The following GRID2 variants were observed in gnomAD, a reference collection of about 807,000 sequenced individuals.
GRID2 encodes glutamate ionotropic receptor delta type subunit 2.
A neutral mutation model predicts 114.8 loss-of-function variants in GRID2; 33 were observed. The ratio of observed to expected loss-of-function variants is 0.29; its 90% CI spans 0.22 to 0.38. GRID2 has a LOEUF of 0.38. GRID2 is among the 10% of genes least tolerant of loss of function. The probability of loss-of-function intolerance (pLI) is 1.00; values close to 1 mark genes in which losing one functional copy is unlikely to be tolerated. For synonymous variants in GRID2, 505 were observed against 449.9 expected, an observed-to-expected ratio of 1.12 and a Z score of -1.55; for missense variants, 1,184 against 1,257.7, an observed-to-expected ratio of 0.94 and a Z score of 0.89.
intron 14 of GRID2, among the ~76,000 whole-genome samples, chr4:93,766,054 A>G (rs1733639977): frequency 6.6e-6 from 1 of 152,234 alleles, no homozygotes; most frequent in South Asian, 2.1e-4. Context: ...AACTGTGTTG[A>G]GTATATTCCA....
At chr4:93,324,473 T>C (rs890438003) in intron 8 of GRID2, among the ~76,000 whole-genome samples, 16 of 152,220 alleles carry the variant, frequency 1.1e-4, no homozygotes, top group African/African-American at 3.9e-4. Context: ...TCGATGTTCA[T>C]CAGGGATATT....
chr4:92,359,979 C>T (rs140375133), intron 1 of GRID2, among the ~76,000 whole-genome samples: 37 of 152,054 alleles, frequency 2.4e-4, no homozygotes, highest in Middle Eastern at 6.8e-3. Context: ...TCTCATCTAT[C>T]TGAATTGTAT....
intron 1 of GRID2, among the ~76,000 whole-genome samples, chr4:92,455,308 C>G (rs527841775): frequency 6.6e-6 from 1 of 152,218 alleles, no homozygotes; most frequent in African/African-American, 2.4e-5. Flanking sequence ...GAGACATTTC[C>G]GTGTTCTTGT....
chr4:93,653,228 T>C (rs1722742228), intron 14 of GRID2, among the ~76,000 whole-genome samples: 1 of 152,138 alleles, frequency 6.6e-6, no homozygotes, highest in South Asian at 2.1e-4. Context: ...AGAACAAAGT[T>C]GTTAGAACAA....
chr4:92,496,344 A>G (rs1449849938), intron 1 of GRID2, among the ~76,000 whole-genome samples: 1 of 151,818 alleles, frequency 6.6e-6, no homozygotes, highest in Non-Finnish European at 1.5e-5. Flanking sequence ...GTTTACTGGA[A>G]TCTGAAAACA....
At chr4:92,717,045 G>A (rs1276366429) in intron 2 of GRID2, among the ~76,000 whole-genome samples, 1 of 152,132 alleles carries the variant, frequency 6.6e-6, no homozygotes, top group African/African-American at 2.4e-5. Flanking sequence ...CCCCATTGCA[G>A]CATTGGTACC....
At chr4:93,431,777 G>C (rs983645010) in intron 10 of GRID2, among the ~76,000 whole-genome samples, 8 of 152,064 alleles carry the variant, frequency 5.3e-5, no homozygotes, top group Non-Finnish European at 1.2e-4. Context: ...AAAATTATAA[G>C]CTAAGGAAGA....
chr4:92,537,812 T>TGG (rs1725728595), intron 1 of GRID2, among the ~76,000 whole-genome samples: 1 of 151,498 alleles, frequency 6.6e-6, no homozygotes, highest in Admixed American at 6.6e-5. Context: ...TGTGTGTGTG[T>TGG]GTGTGTGTGT....
chr4:93,779,670 A>C (rs1419404317), intron 1 of GRID2, among the ~76,000 whole-genome samples: 1 of 152,198 alleles, frequency 6.6e-6, no homozygotes, highest in African/African-American at 2.4e-5. Context: ...TACTCTATGA[A>C]AAGAGGAAAA....
At chr4:93,535,470 C>T (rs757038988) in intron 13 of GRID2, among the ~76,000 whole-genome samples, 11 of 151,984 alleles carry the variant, frequency 7.2e-5, no homozygotes, top group African/African-American at 4.8e-5. Flanking sequence ...ATGGAAGCTC[C>T]GTACTTTTTC....
rs1330847570 is a variant in GRID2, at chr4:93,772,929, A to G, written c.*431A>G. 1 of 157,580 alleles carries G rather than the reference A, an allele frequency of 6.3e-6. No homozygotes were observed. The highest frequency in any genetic ancestry group is 2.4e-5 in the African/African-American group (1 of 41,552). 9.8% of individuals were successfully genotyped at this position (157,580 alleles called of 1,614,324 possible). A position where few individuals can be genotyped will look rare whatever the true frequency, so the allele number is the denominator to read the frequency against. ...CTTTTTACATTCTTCTGCTGCATCCATACAATGCTCCACTGCTGTTGAGTG... is the reference window on the plus strand; with the variant it reads ...CTTTTTACATTCTTCTGCTGCATCCGTACAATGCTCCACTGCTGTTGAGTG... On this transcript the variant is annotated 3_prime_UTR_variant, in exon 16 of 16. Transcript: ENST00000282020.
At chr4:92,858,839 G>A (rs369950864) in intron 2 of GRID2, among the ~76,000 whole-genome samples, 3 of 152,184 alleles carry the variant, frequency 2.0e-5, no homozygotes, top group Non-Finnish European at 4.4e-5. Context: ...TTACAGGCGT[G>A]AGCACTGTGT....
intron 14 of GRID2, among the ~76,000 whole-genome samples, chr4:93,686,812 C>T (rs1434645281): frequency 1.3e-5 from 2 of 151,622 alleles, no homozygotes; most frequent in African/African-American, 2.4e-5. Flanking sequence ...GAGTAGAGGC[C>T]AAGGAAGGAA....
At chr4:93,565,924 A>G (rs961271629) in intron 13 of GRID2, among the ~76,000 whole-genome samples, 1 of 152,210 alleles carries the variant, frequency 6.6e-6, no homozygotes, top group Admixed American at 6.5e-5. Context: ...TAGAGGCACT[A>G]TATTAGAGTA....
chr4:93,692,100 C>A (rs1016701554), intron 14 of GRID2, among the ~76,000 whole-genome samples: 1 of 151,780 alleles, frequency 6.6e-6, no homozygotes, highest in South Asian at 2.1e-4. Flanking sequence ...TATTCAAATG[C>A]GGGGCGGGGA....
At chr4:92,444,688 G>C (rs138822908) in intron 1 of GRID2, among the ~76,000 whole-genome samples, 2 of 152,096 alleles carry the variant, frequency 1.3e-5, no homozygotes, top group African/African-American at 4.8e-5. Context: ...AAAAGGGGGC[G>C]TTTGTCTTCT....
rs527731214 is a variant in GRID2 at position 92,439,932 on chromosome 4, G to A, written c.88+135188G>A. On this transcript the variant is annotated intron_variant, in intron 1 of 15. Coordinates refer to ENST00000282020, the MANE Select transcript of GRID2 (RefSeq NM_001510.4). ...AGGGCATGTATGAGTAGTTGAGAACGGTGAATAGGAGTATGACTAGACAGA... is the reference window on the plus strand; with the variant it reads ...AGGGCATGTATGAGTAGTTGAGAACAGTGAATAGGAGTATGACTAGACAGA... Among the ~76,000 whole-genome samples the A allele has an allele frequency of 2.5e-4, 37 of 145,664 alleles. 3 individuals are homozygous for A. In the East Asian group the frequency reaches 3.8e-3, roughly 15 times the overall value.
At chr4:93,799,424 C>T in intron 1 of GRID2, among the ~76,000 whole-genome samples, 1 of 150,920 alleles carries the variant, frequency 6.6e-6, no homozygotes, top group East Asian at 1.9e-4. Context: ...GGGGAAACTA[C>T]AGAACTGCAG....
At chr4:93,320,148 T>C (rs1010644088) in intron 8 of GRID2, among the ~76,000 whole-genome samples, 18 of 152,050 alleles carry the variant, frequency 1.2e-4, no homozygotes, top group Admixed American at 1.2e-3. Flanking sequence ...TAAAGAACAT[T>C]AAGTCTTAAA....
Sources: allele counts gnomAD v4.1 joint callset (sites outside exome capture counted in the v4.1 genomes callset), GRCh38; gene constraint gnomAD v4.1.1; transcripts MANE v1.5; gene names NCBI Gene and HGNC (gene_info 2026-07-23, HGNC 2026-07-21).